MAP4K4: variants seen among roughly 807,000 people sequenced by gnomAD.
The protein encoded by MAP4K4 is HPK/GCK-like kinase HGK.
Under a neutral mutation model 189.6 loss-of-function variants are expected in MAP4K4, and 38 were observed. The observed-to-expected ratio is 0.20, with a 90% CI of 0.15 to 0.26. The LOEUF is 0.26. MAP4K4 is among the 10% of genes least tolerant of loss of function. The pLI, the probability that MAP4K4 is intolerant of heterozygous loss-of-function variation, is 1.00. For missense variants in MAP4K4, 1,054 were observed against 1,726.9 expected (o/e 0.61, Z 6.91); for synonymous variants, 610 against 624.3 (o/e 0.98, Z 0.34).
Position 101,864,017 on chromosome 2 carries a change from G to A in MAP4K4, c.2063G>A (p.Trp688Ter), listed in dbSNP as rs2097748718. Residue 688 changes from tryptophan (W) to a stop codon, truncating the protein, a stop_gained, in exon 17 of 33, where the codon TGG (tryptophan) becomes TAG (stop). Transcript: ENST00000324219. LOFTEE classifies it high-confidence loss of function. ...GCGCCTGACCCTACCCAAAAGGCTT[G>A]GTCTAGATCAGACAGTGACGAGGTG... 7.3e-7 allele frequency: 1 copy of A among 1,367,406 alleles called. No individual in the cohort carries two copies. The highest frequency in any genetic ancestry group is 1.5e-5 in the African/African-American group (1 of 67,734). 84.7% of individuals were successfully genotyped at this position (1,367,406 alleles called of 1,614,324 possible).
At chr2:101,829,455 T>A in intron 5 of MAP4K4, 49 bp from the exon 6 acceptor site, 3 of 1,277,920 alleles carry the variant, frequency 2.3e-6, no homozygotes, top group African/African-American at 1.5e-5. Context: ...CCTGGCTGTT[T>A]ACTTATAGTC....
At chr2:101,855,568 A>C (rs943377239) in intron 12 of MAP4K4, among the ~76,000 whole-genome samples, 1 of 151,774 alleles carries the variant, frequency 6.6e-6, no homozygotes, top group Non-Finnish European at 1.5e-5. Context: ...TTCCTTTTTT[A>C]AATTCTTTGT....
chr2:101,764,729 C>T (rs185209564), intron 2 of MAP4K4, among the ~76,000 whole-genome samples: 1 of 152,312 alleles, frequency 6.6e-6, no homozygotes, highest in East Asian at 1.9e-4. Flanking sequence ...TCTTGCCACT[C>T]ATAACCTAGA....
At chr2:101,698,780 A>C (rs546334275) in intron 2 of MAP4K4, among the ~76,000 whole-genome samples, 1 of 152,218 alleles carries the variant, frequency 6.6e-6, no homozygotes, top group Admixed American at 6.5e-5. Flanking sequence ...TTAGGCATGC[A>C]CTTTACTTCG....
chr2:101,837,895 C>A (rs1195662039), intron 9 of MAP4K4, among the ~76,000 whole-genome samples: 2 of 152,164 alleles, frequency 1.3e-5, no homozygotes, highest in East Asian at 1.9e-4. Context: ...TCTTTTCTTA[C>A]ACCAAACTTT....
chr2:101,827,534 T>C (rs756488792), intron 5 of MAP4K4, among the ~76,000 whole-genome samples: 6 of 152,288 alleles, frequency 3.9e-5, no homozygotes, highest in Non-Finnish European at 8.8e-5. Context: ...ATTTCTGTGG[T>C]GGCAAAACCT....
chr2:101,878,669 A>G (rs936538738), intron 27 of MAP4K4, among the ~76,000 whole-genome samples: 3 of 152,160 alleles, frequency 2.0e-5, no homozygotes, highest in Admixed American at 2.0e-4. Context: ...TTTCCTAATA[A>G]TTAGTGTTAT....
chr2:101,770,270 C>T (rs35302396), intron 2 of MAP4K4, among the ~76,000 whole-genome samples: 17,949 of 102,634 alleles, frequency 0.17, 1,518 homozygotes, highest in East Asian at 0.35. Context: ...TTTTTTGAGA[C>T]GGAGTTTCGC....
intron 2 of MAP4K4, among the ~76,000 whole-genome samples, chr2:101,741,400 C>A (rs2062761507): frequency 6.6e-6 from 1 of 151,958 alleles, no homozygotes; most frequent in Non-Finnish European, 1.5e-5. Flanking sequence ...AATCTCCTGA[C>A]CTCGTGATCT....
intron 2 of MAP4K4, among the ~76,000 whole-genome samples, chr2:101,708,086 C>G (rs568488678): frequency 1.2e-4 from 18 of 152,200 alleles, no homozygotes; most frequent in Non-Finnish European, 2.5e-4. Context: ...GTCTGCCTAC[C>G]TCGGCCTCTG....
At chr2:101,711,890 A>AT (rs1338732081) in intron 2 of MAP4K4, among the ~76,000 whole-genome samples, 1 of 145,530 alleles carries the variant, frequency 6.9e-6, no homozygotes, top group Non-Finnish European at 1.5e-5. Context: ...ATGCTTATTT[A>AT]TTTTTTTCTT....
At chr2:101,731,219 T>C (rs2058333097) in intron 2 of MAP4K4, among the ~76,000 whole-genome samples, 1 of 151,638 alleles carries the variant, frequency 6.6e-6, no homozygotes, top group South Asian at 2.1e-4. Flanking sequence ...CAGATTCAAG[T>C]GATTCTATTG....
chr2:101,730,971 G>C (rs1399298556), intron 2 of MAP4K4, among the ~76,000 whole-genome samples: 1 of 151,744 alleles, frequency 6.6e-6, no homozygotes, highest in Non-Finnish European at 1.5e-5. Context: ...GTGTGAACCC[G>C]GGAGGCGGAG....
chr2:101,758,574 G>A (rs2074128408), intron 2 of MAP4K4, among the ~76,000 whole-genome samples: 1 of 152,112 alleles, frequency 6.6e-6, no homozygotes, highest in African/African-American at 2.4e-5. Flanking sequence ...TGGGGGTCTT[G>A]GAACCATTCC....
At chr2:101,742,956 C>T (rs373888110) in intron 2 of MAP4K4, among the ~76,000 whole-genome samples, 12 of 152,174 alleles carry the variant, frequency 7.9e-5, no homozygotes, top group African/African-American at 2.9e-4. Flanking sequence ...TTTATCAGGC[C>T]CACGTCCTGC....
chr2:101,818,235 T>C (rs950104412), intron 3 of MAP4K4, among the ~76,000 whole-genome samples: 9 of 152,196 alleles, frequency 5.9e-5, no homozygotes, highest in African/African-American at 2.2e-4. Flanking sequence ...AACTGTTTTT[T>C]AAAAACAGAT....
intron 16 of MAP4K4, among the ~76,000 whole-genome samples, chr2:101,862,961 C>T (rs2097710161): frequency 6.6e-6 from 1 of 152,098 alleles, no homozygotes; most frequent in Non-Finnish European, 1.5e-5. Flanking sequence ...TTTCAGTTGC[C>T]ATATTGAACA....
chr2:101,840,079 T>A, intron 10 of MAP4K4, 85 bp downstream of exon 10: 1 of 1,326,762 alleles, frequency 7.5e-7, no homozygotes, highest in Non-Finnish European at 1.0e-6. Context: ...CCTTCCCAGC[T>A]GTGAGAGTGC....
At chr2:101,879,655 A>G (rs1259940513) in intron 27 of MAP4K4, among the ~76,000 whole-genome samples, 1 of 152,250 alleles carries the variant, frequency 6.6e-6, no homozygotes, top group Middle Eastern at 3.4e-3. Flanking sequence ...AGATAGCCCC[A>G]CCCTGGTGAA....
Sources: allele counts gnomAD v4.1 joint callset (sites outside exome capture counted in the v4.1 genomes callset), GRCh38; gene constraint gnomAD v4.1.1; transcripts MANE v1.5; gene names NCBI Gene and HGNC (gene_info 2026-07-23, HGNC 2026-07-21).